Variants in IL1RAPL1 observed in about 807,000 individuals in gnomAD.
IL1RAPL1 encodes the protein interleukin 1 receptor accessory protein like 1.
A neutral mutation model predicts 48.4 loss-of-function variants in IL1RAPL1; 3 were observed. The ratio of observed to expected loss-of-function variants is 0.06; its 90% CI spans 0.03 to 0.16. The LOEUF (loss-of-function observed/expected upper bound fraction) is 0.16, where lower values mean the gene tolerates loss of function less well. Ranked by LOEUF, IL1RAPL1 falls within the 10% of genes least tolerant of loss-of-function variation. The pLI is 1.00. For missense variants in IL1RAPL1, 349 were observed against 530.6 expected (o/e 0.66, Z 3.36); for synonymous variants, 185 against 187.7 (o/e 0.99, Z 0.12).
At chrX:29,122,219 C>T (rs73210070) in intron 2 of IL1RAPL1, among the ~76,000 whole-genome samples, 2 of 110,691 alleles carry the variant, frequency 1.8e-5, no homozygotes, top group African/African-American at 3.3e-5. Flanking sequence ...CTTTGATTAT[C>T]GCTATAATAA....
At chrX:29,094,771 C>CAAAAAAAAAAAAAAAAAAAAAAAAAAA (rs1163805144) in intron 2 of IL1RAPL1, among the ~76,000 whole-genome samples, 1 of 5,907 alleles carries the variant, frequency 1.7e-4, no homozygotes, top group Non-Finnish European at 2.9e-4. Flanking sequence ...AACTCCATCT[C>CAAAAAAAAAAAAAAAAAAAAAAAAAAA]AAAAAAAAAA....
intron 5 of IL1RAPL1, among the ~76,000 whole-genome samples, chrX:29,430,684 ATG>A (rs1334972992): frequency 5.5e-5 from 6 of 110,058 alleles, no homozygotes; most frequent in Admixed American, 9.8e-5. Context: ...AGATATATAA[ATG>A]TGTGTGTGTA....
rs143721844 is a variant in IL1RAPL1, at chrX:29,482,871, T to C, written c.703+83563T>C. On this transcript the variant is annotated intron_variant, in intron 5 of 10. Transcript: ENST00000378993. ...AATACTCATTTTATTCCATCGATTC[T>C]GATAAGACTAAGATAATGGTCTTAA... is the stretch of plus-strand genomic sequence containing the variant. 7.3e-3 allele frequency among the ~76,000 whole-genome samples: 823 copies of C among 112,138 alleles called. 3 individuals carry two copies. The highest frequency in any genetic ancestry group is 0.012 in the Non-Finnish European group (649 of 53,170).
chrX:28,948,432 C>G (rs1249041114), intron 2 of IL1RAPL1, among the ~76,000 whole-genome samples: 1 of 110,195 alleles, frequency 9.1e-6, no homozygotes, highest in Non-Finnish European at 1.9e-5. Context: ...AAGTCTCTCC[C>G]CAGTCCTCAG....
intron 2 of IL1RAPL1, among the ~76,000 whole-genome samples, chrX:28,793,873 A>G (rs1173886735): frequency 1.8e-5 from 2 of 111,004 alleles, no homozygotes; most frequent in East Asian, 5.7e-4. Context: ...GGTGAGTGCA[A>G]GGACCATGAT....
intron 6 of IL1RAPL1, among the ~76,000 whole-genome samples, chrX:29,734,850 A>AC (rs1298649524): frequency 1.8e-5 from 2 of 110,624 alleles, no homozygotes; most frequent in Non-Finnish European, 3.8e-5. Flanking sequence ...TATGAACCCC[A>AC]CCCCCCAATT....
chrX:29,128,468 C>T (rs1347261805), intron 2 of IL1RAPL1, among the ~76,000 whole-genome samples: 1 of 111,466 alleles, frequency 9.0e-6, no homozygotes, highest in Non-Finnish European at 1.9e-5. Flanking sequence ...GCCTTGCCTC[C>T]TCCCCAAGCA....
chrX:28,956,774 C>A (rs200447035), intron 2 of IL1RAPL1, among the ~76,000 whole-genome samples: 50 of 101,068 alleles, frequency 4.9e-4, no homozygotes, highest in East Asian at 1.6e-3. Context: ...ATGCTGGCCT[C>A]ATAAAATGAG....
At chrX:29,153,253 G>T (rs977613497) in intron 2 of IL1RAPL1, among the ~76,000 whole-genome samples, 5 of 111,312 alleles carry the variant, frequency 4.5e-5, no homozygotes, top group African/African-American at 6.5e-5. Flanking sequence ...GGATAACCCT[G>T]GCTTATCTCT....
At chrX:29,641,263 A>G (rs1925161376) in intron 5 of IL1RAPL1, among the ~76,000 whole-genome samples, 1 of 113,219 alleles carries the variant, frequency 8.8e-6, no homozygotes, top group African/African-American at 3.2e-5. Context: ...CTGTAAAACC[A>G]TAAGCGATCA....
At chrX:28,801,396 A>G (rs1022000677) in intron 2 of IL1RAPL1, among the ~76,000 whole-genome samples, 2 of 111,226 alleles carry the variant, frequency 1.8e-5, no homozygotes, top group South Asian at 7.5e-4. Flanking sequence ...ATGTTTTGCC[A>G]TAGATAAACC....
At chrX:29,005,569 T>C (rs936278767) in intron 2 of IL1RAPL1, among the ~76,000 whole-genome samples, 1 of 112,164 alleles carries the variant, frequency 8.9e-6, no homozygotes, top group African/African-American at 3.2e-5. Flanking sequence ...GCAAGAAAGA[T>C]GTTTGAACAT....
intron 6 of IL1RAPL1, among the ~76,000 whole-genome samples, chrX:29,724,494 G>A (rs1193796735): frequency 5.3e-5 from 6 of 112,329 alleles, no homozygotes; most frequent in Non-Finnish European, 1.1e-4. Context: ...GCTCCTGAGA[G>A]TAGAACTGAA....
chrX:29,230,504 CAAAAAAAAAAAAAA>C lies in IL1RAPL1; in HGVS notation c.83-52416_83-52403del, dbSNP rs60539139. On this transcript the variant is annotated intron_variant, in intron 2 of 10. Transcript: ENST00000378993. ...TGCTCTATCATTATGGTCCCTTTAC[CAAAAAAAAAAAAAA>C]AAAAAAAAAAAAAAAAACCTTGTTG... Among the ~76,000 whole-genome samples, 11 of 16,596 alleles carry C rather than the reference CAAAAAAAAAAAAAA, an allele frequency of 6.6e-4. No homozygotes were observed. The East Asian group carries it at 0.013, about 19-fold the overall frequency. The allele number at this position is 16,596 out of a possible 115,157, so 14.4% of individuals were successfully genotyped here.
intron 1 of IL1RAPL1, among the ~76,000 whole-genome samples, chrX:28,692,446 A>G (rs931095519): frequency 4.5e-5 from 5 of 111,573 alleles, no homozygotes; most frequent in East Asian, 2.8e-4. Flanking sequence ...GGCTATTGCA[A>G]TGATCTATCT....
intron 1 of IL1RAPL1, chrX:28,659,612 C>A (rs897219514): frequency 1.8e-5 from 7 of 390,492 alleles, no homozygotes; most frequent in Admixed American, 8.8e-5. Flanking sequence ...GCGGCGGCTG[C>A]GAACACAATT....
chrX:28,893,204 G>A (rs1922819129), intron 2 of IL1RAPL1, among the ~76,000 whole-genome samples: 1 of 111,727 alleles, frequency 9.0e-6, no homozygotes, highest in Non-Finnish European at 1.9e-5. Flanking sequence ...GTCTATACAG[G>A]AGCTTAAATG....
chrX:29,644,407 C>T (rs1247874490), intron 5 of IL1RAPL1, among the ~76,000 whole-genome samples: 1 of 112,035 alleles, frequency 8.9e-6, no homozygotes, highest in East Asian at 2.8e-4. Context: ...TTGTCTTCTG[C>T]ACCTATACAT....
chrX:29,299,445 C>G (rs757446819), intron 3 of IL1RAPL1, among the ~76,000 whole-genome samples: 1 of 111,501 alleles, frequency 9.0e-6, no homozygotes, highest in African/African-American at 3.3e-5. Context: ...ATAGTATTTT[C>G]TCTCTCCTAT....
Sources: gnomAD v4.1 joint callset for allele counts (sites outside exome capture counted in the v4.1 genomes callset) on GRCh38, gnomAD v4.1.1 for gene constraint, MANE v1.5 for transcripts, NCBI Gene and HGNC (gene_info 2026-07-23, HGNC 2026-07-21) for gene names.